Variants in NLGN4X observed in about 807,000 individuals in gnomAD.
NLGN4X encodes the protein neuroligin-4, X-linked.
NLGN4X carries 3 observed loss-of-function variants against 40.3 expected under a neutral mutation model. The observed-to-expected ratio is 0.07, with a 90% CI of 0.03 to 0.19. The LOEUF (loss-of-function observed/expected upper bound fraction) is 0.19. Among genes scored for constraint, NLGN4X ranks in the 10% least tolerant of loss-of-function variants. The probability of loss-of-function intolerance (pLI) is 1.00; values close to 1 mark genes in which losing one functional copy is unlikely to be tolerated. For missense variants in NLGN4X, 382 were observed against 708.3 expected (o/e 0.54, Z 5.23); for synonymous variants, 270 against 306.8 (o/e 0.88, Z 1.25).
intron 3 of NLGN4X, among the ~76,000 whole-genome samples, chrX:5,974,673 G>A (rs2035123012): frequency 9.0e-6 from 1 of 111,197 alleles, no homozygotes; most frequent in Non-Finnish European, 1.9e-5. Context: ...GACAATAGGA[G>A]TCCTCCGTTA....
In NLGN4X at chrX:5,921,144, T is replaced by TAC. The variant is rs1217417648; in HGVS notation, c.626-11906_626-11905insGT. On this transcript the variant is annotated intron_variant, in intron 3 of 5. Coordinates refer to ENST00000381095, the MANE Select transcript of NLGN4X (RefSeq NM_181332.3). ...ATGGTAAGTATTTTTTATATATATA[T>TAC]ATACATATATATATATATATATATA... 8.2e-5 allele frequency among the ~76,000 whole-genome samples: 4 copies of TAC among 48,748 alleles called. No homozygotes were observed. In the East Asian group the frequency reaches 5.2e-3, roughly 63 times the overall value. The allele number at this position is 48,748 out of a possible 115,157, so 42.3% of individuals were successfully genotyped here.
intron 2 of NLGN4X, among the ~76,000 whole-genome samples, chrX:6,032,069 C>A (rs1020792256): frequency 2.1e-5 from 2 of 96,218 alleles, no homozygotes; most frequent in African/African-American, 7.7e-5. Flanking sequence ...CCCCACCCCC[C>A]CTTAAATGCT....
In NLGN4X at chrX:5,892,760, C is replaced by G. The variant is rs2031246848; in HGVS notation, c.*57G>C. 2.5e-6 allele frequency: 3 copies of G among 1,190,155 alleles called. No individual in the cohort carries two copies. Among genetic ancestry groups the G allele is most frequent in the African/African-American group, 1.7e-5 (1 of 57,287 alleles). On this transcript the variant is annotated 3_prime_UTR_variant, in exon 6 of 6. Coordinates refer to ENST00000381095, the MANE Select transcript of NLGN4X (RefSeq NM_181332.3). ...TCTCTTTCCTTCTCTCTTTCCTTCC[C>G]TCTTCTATGTTGCTGAGCGGGTAGG... is the stretch of plus-strand genomic sequence containing the variant.
chrX:5,939,374 C>G (rs951323809), intron 3 of NLGN4X, among the ~76,000 whole-genome samples: 1 of 111,372 alleles, frequency 9.0e-6, no homozygotes, highest in Non-Finnish European at 1.9e-5. Flanking sequence ...CACACACACA[C>G]AGAAGCAGAT....
chrX:6,062,877 C>G (rs1312840724), intron 2 of NLGN4X, among the ~76,000 whole-genome samples: 1 of 111,045 alleles, frequency 9.0e-6, no homozygotes, highest in Non-Finnish European at 1.9e-5. Flanking sequence ...TTATAAATTC[C>G]CAAGTCTTGA....
chrX:6,203,035 A>C (rs1056841567), intron 1 of NLGN4X, among the ~76,000 whole-genome samples: 1 of 112,652 alleles, frequency 8.9e-6, no homozygotes, highest in Non-Finnish European at 1.9e-5. Flanking sequence ...CTCAACTTGC[A>C]TTACTGACCT....
Position 6,146,386 on chromosome X carries a change from AGCCTGT to A in NLGN4X, c.472+4603_472+4608del, listed in dbSNP as rs2040046574. Among the ~76,000 whole-genome samples the A allele has an allele frequency of 4.5e-5, 5 of 112,237 alleles. No homozygotes were observed. The South Asian group carries it at 1.8e-3, about 41-fold the overall frequency. On this transcript the variant is annotated intron_variant, in intron 2 of 5. Transcript: ENST00000381095. ...TCCATCAAGTTTTTCCTCAAAAAAT[AGCCTGT>A]CCCTGAGCTGTCACAGAGCTTTCTT... is the stretch of plus-strand genomic sequence containing the variant.
chrX:6,057,905 C>CTATA (rs1410525932), intron 2 of NLGN4X, among the ~76,000 whole-genome samples: 1 of 111,640 alleles, frequency 9.0e-6, no homozygotes, highest in Admixed American at 9.5e-5. Flanking sequence ...CCATCAGAGA[C>CTATA]TATATAAAGT....
chrX:6,132,654 T>A (rs73444276), intron 2 of NLGN4X, among the ~76,000 whole-genome samples: 4,378 of 111,580 alleles, frequency 0.039, 227 homozygotes, highest in African/African-American at 0.13. Context: ...CCATTGGAAA[T>A]ATCTCCACAA....
chrX:6,159,828 C>T (rs5961945), intron 1 of NLGN4X, among the ~76,000 whole-genome samples: 8,768 of 112,253 alleles, frequency 0.078, 249 homozygotes, highest in East Asian at 0.15. Flanking sequence ...AAGTCCTTCA[C>T]TGAAGTAGCA....
chrX:5,899,025 G>A (rs2031689888), intron 5 of NLGN4X, among the ~76,000 whole-genome samples: 1 of 112,141 alleles, frequency 8.9e-6, no homozygotes, highest in Non-Finnish European at 1.9e-5. Context: ...GACTGTGCCC[G>A]ACAGTGAAAT....
rs752513399 is a variant in NLGN4X at position 6,045,597 on chromosome X, G to C, written c.473-16165C>G. 3.6e-4 allele frequency among the ~76,000 whole-genome samples: 40 copies of C among 111,895 alleles called. No homozygotes were observed. In the South Asian group the frequency reaches 0.014, roughly 39 times the overall value. ...ATTCACAGTTGAAGGAAAGAAGTCA[G>C]GTGATAGCTGAGGGAAAGATCAAAG... On this transcript the variant is annotated intron_variant, in intron 2 of 5. Coordinates refer to ENST00000381095, the MANE Select transcript of NLGN4X (RefSeq NM_181332.3).
In NLGN4X at chrX:6,124,045, A is replaced by C. The variant is rs529545976; in HGVS notation, c.472+26950T>G. 8.8e-4 allele frequency among the ~76,000 whole-genome samples: 98 copies of C among 110,962 alleles called. 1 individual carries two copies. The highest frequency in any genetic ancestry group is 3.7e-3 in the South Asian group (10 of 2,699). ...ATAAACTTGAAAATGAAGACACTAA[A>C]AATTTTAAATATAAAACAAAATATA... On this transcript the variant is annotated intron_variant, in intron 2 of 5. Coordinates refer to ENST00000381095, the MANE Select transcript of NLGN4X (RefSeq NM_181332.3).
At chrX:6,113,694 C>CA (rs749113403) in intron 2 of NLGN4X, among the ~76,000 whole-genome samples, 13,665 of 91,606 alleles carry the variant, frequency 0.15, 1,033 homozygotes, top group African/African-American at 0.29. Flanking sequence ...GTGCTTGTTT[C>CA]AAAAAAAAAA....
At chrX:5,997,480 G>T (rs2035851067) in intron 3 of NLGN4X, among the ~76,000 whole-genome samples, 2 of 105,143 alleles carry the variant, frequency 1.9e-5, no homozygotes, top group African/African-American at 6.8e-5. Context: ...TACATGATCT[G>T]TATTTCATAG....
chrX:5,952,129 G>A (rs1218509708), intron 3 of NLGN4X, among the ~76,000 whole-genome samples: 1 of 111,815 alleles, frequency 8.9e-6, no homozygotes, highest in Admixed American at 9.5e-5. Flanking sequence ...GGCAAGAGGA[G>A]TCTGGTGAAG....
At chrX:5,930,435 T>C (rs909972910) in intron 3 of NLGN4X, among the ~76,000 whole-genome samples, 1 of 111,663 alleles carries the variant, frequency 9.0e-6, no homozygotes, top group African/African-American at 3.3e-5. Context: ...AGAACACAAA[T>C]TGTGGGGGAT....
intron 3 of NLGN4X, among the ~76,000 whole-genome samples, chrX:5,970,212 T>TA (rs34606025): frequency 2.8e-5 from 3 of 106,416 alleles, no homozygotes; most frequent in Non-Finnish European, 5.8e-5. Flanking sequence ...AATAATGATT[T>TA]AAAAAAAAGG....
chrX:5,952,344 C>A (rs1380688158), intron 3 of NLGN4X, among the ~76,000 whole-genome samples: 1 of 111,789 alleles, frequency 8.9e-6, no homozygotes, highest in Non-Finnish European at 1.9e-5. Context: ...ATGTTAGGTG[C>A]GCCCAGTGGA....
Sources: allele counts gnomAD v4.1 joint callset (sites outside exome capture counted in the v4.1 genomes callset), GRCh38; gene constraint gnomAD v4.1.1; transcripts MANE v1.5; gene names NCBI Gene and HGNC (gene_info 2026-07-23, HGNC 2026-07-21).